The following SLC14A2 variants were observed in gnomAD, a reference collection of about 807,000 sequenced individuals.
The protein encoded by SLC14A2 is urea transporter 2.
In SLC14A2, 91 loss-of-function variants were observed where a neutral mutation model predicts 104.6. The ratio of observed to expected loss-of-function variants is 0.87; its 90% CI spans 0.73 to 1.04. SLC14A2 has a LOEUF of 1.04. Ranked by LOEUF, SLC14A2 falls within the 50% of genes least tolerant of loss-of-function variation. The pLI is 0.00. For missense variants in SLC14A2, 1,189 were observed against 1,156.0 expected, an observed-to-expected ratio of 1.03 and a Z score of -0.41; for synonymous variants, 476 against 466.4, an observed-to-expected ratio of 1.02 and a Z score of -0.27.
At chr18:45,329,309 A>G (rs1158819299) in intron 1 of SLC14A2, among the ~76,000 whole-genome samples, 1 of 152,204 alleles carries the variant, frequency 6.6e-6, no homozygotes. Flanking sequence ...TTCATTTCAA[A>G]GAGACTGAAC....
the SLC14A2 span, among the ~76,000 whole-genome samples, chr18:45,178,013 T>G: frequency 6.6e-6 from 1 of 152,142 alleles, no homozygotes; most frequent in African/African-American, 2.4e-5. Context: ...TTCAGCCCAA[T>G]GTTCAGCTGC....
chr18:45,667,141 C>G (rs903721880), intron 13 of SLC14A2, 47 bp downstream of exon 13: 1 of 1,521,760 alleles, frequency 6.6e-7, no homozygotes, highest in Non-Finnish European at 9.0e-7. Flanking sequence ...AAAAACTCAC[C>G]TCCACCCATC....
chr18:45,559,096 G>A (rs1377279385), intron 2 of SLC14A2, among the ~76,000 whole-genome samples: 2 of 152,066 alleles, frequency 1.3e-5, no homozygotes, highest in Non-Finnish European at 2.9e-5. Flanking sequence ...GCCCCTTTGA[G>A]TTTCTTATGT....
At chr18:45,437,317 G>A (rs910452802) in intron 1 of SLC14A2, among the ~76,000 whole-genome samples, 1 of 151,202 alleles carries the variant, frequency 6.6e-6, no homozygotes, top group Non-Finnish European at 1.5e-5. Context: ...CAAGGTGCAG[G>A]CACATCCTTG....
At chr18:45,215,987 A>G (rs1330186566) in intron 1 of SLC14A2, among the ~76,000 whole-genome samples, 2 of 152,236 alleles carry the variant, frequency 1.3e-5, no homozygotes, top group African/African-American at 2.4e-5. Context: ...AACATGAAAC[A>G]TTCCACAGAT....
At chr18:45,280,062 C>G (rs2084745961) in intron 1 of SLC14A2, among the ~76,000 whole-genome samples, 1 of 152,222 alleles carries the variant, frequency 6.6e-6, no homozygotes, top group African/African-American at 2.4e-5. Flanking sequence ...AAGTGCTGAT[C>G]TATTTCTAAC....
At position 45,261,679 on chromosome 18, in the gene SLC14A2, G is replaced by A. The variant is rs55859647; in HGVS notation, c.-125+48488G>A. Among the ~76,000 whole-genome samples the A allele has an allele frequency of 4.6e-3, 699 of 151,450 alleles. 2 individuals carry two copies. The highest frequency in any genetic ancestry group is 0.016 in the African/African-American group (652 of 41,244). ...CGGTGTTTGGTTTTTTGTCCTTGTG[G>A]TAGTTTACTGAGAATGATAATTTCC... On this transcript the variant is annotated intron_variant, in intron 1 of 20. Transcript: ENST00000586448.
Position 45,648,195 on chromosome 18 carries a change from C to CTT in SLC14A2, c.1351+4062_1351+4063dup, listed in dbSNP as rs59843067. ...GTTACCCTCTTTATTCTAGTTAATG[C>CTT]TTTTTTTTTTTTTTTTTTTTTTTTT... On this transcript the variant is annotated intron_variant, in intron 10 of 19. Coordinates refer to ENST00000255226, the MANE Select transcript of SLC14A2 (RefSeq NM_007163.4). Among the ~76,000 whole-genome samples, 188 of 101,214 alleles carry CTT rather than the reference C, an allele frequency of 1.9e-3. 18 individuals are homozygous for CTT. Among genetic ancestry groups the CTT allele is most frequent in the African/African-American group, 6.2e-3 (161 of 25,920 alleles). The allele number at this position is 101,214 out of a possible 152,430, so 66.4% of individuals were successfully genotyped here.
intron 2 of SLC14A2, among the ~76,000 whole-genome samples, chr18:45,501,965 AG>A (rs2043205862): frequency 6.6e-6 from 1 of 152,204 alleles, no homozygotes; most frequent in Non-Finnish European, 1.5e-5. Context: ...GAAAAGTATA[AG>A]CTCCTAGAGG....
chr18:45,174,359 A>G, the SLC14A2 span, among the ~76,000 whole-genome samples: 1 of 152,030 alleles, frequency 6.6e-6, no homozygotes, highest in Non-Finnish European at 1.5e-5. Flanking sequence ...CCTCCTCGAC[A>G]ATTTCCCTCA....
chr18:45,311,493 T>G (rs569475864), intron 1 of SLC14A2, among the ~76,000 whole-genome samples: 1 of 152,228 alleles, frequency 6.6e-6, no homozygotes, highest in Non-Finnish European at 1.5e-5. Context: ...GGTAACTATA[T>G]GATCTGGGCT....
chr18:45,253,488 A>G lies in SLC14A2; in HGVS notation c.-125+40297A>G, dbSNP rs190296311. Among the ~76,000 whole-genome samples the G allele has an allele frequency of 2.4e-3, 367 of 151,926 alleles. 3 individuals are homozygous for G. Among genetic ancestry groups the G allele is most frequent in the African/African-American group, 8.6e-3 (354 of 41,372 alleles). On this transcript the variant is annotated intron_variant, in intron 1 of 20. Coordinates refer to the SLC14A2 transcript ENST00000586448. ...ATGCTGGATGCTTTGAAAAACAGAC[A>G]TTCATTACAACTTTAAAAGTCAAAT...
At chr18:45,182,996 G>A in the SLC14A2 span, among the ~76,000 whole-genome samples, 1 of 152,320 alleles carries the variant, frequency 6.6e-6, no homozygotes, top group East Asian at 1.9e-4. Flanking sequence ...AGACTTGACA[G>A]ATTGGTGACT....
chr18:45,593,731 C>T (rs531110805), intron 2 of SLC14A2, among the ~76,000 whole-genome samples: 6 of 152,070 alleles, frequency 3.9e-5, no homozygotes, highest in Non-Finnish European at 7.4e-5. Context: ...CCTCTTGATC[C>T]GTCCACCTCG....
chr18:45,669,289 C>T lies in SLC14A2; in HGVS notation c.2037-17C>T, dbSNP rs762160227. 4.4e-6 allele frequency: 7 copies of T among 1,603,116 alleles called. No individual in the cohort carries two copies. In the South Asian group the frequency reaches 6.7e-5, roughly 15 times the overall value. ...AGGCGGCTTCCTGACCAGCATCTCT[C>T]ATGCTTCTGCCATCAGCCCCATCCT... On this transcript the variant is annotated splice_polypyrimidine_tract_variant and intron_variant, in intron 15 of 19. Coordinates refer to ENST00000255226, the MANE Select transcript of SLC14A2 (RefSeq NM_007163.4).
chr18:45,387,339 C>T (rs1043748784), intron 1 of SLC14A2, among the ~76,000 whole-genome samples: 1 of 152,258 alleles, frequency 6.6e-6, no homozygotes, highest in African/African-American at 2.4e-5. Flanking sequence ...CTATGCCCTG[C>T]CCCCCAAACA....
At chr18:45,379,895 T>C (rs1300569259) in intron 1 of SLC14A2, among the ~76,000 whole-genome samples, 1 of 152,146 alleles carries the variant, frequency 6.6e-6, no homozygotes, top group Non-Finnish European at 1.5e-5. Flanking sequence ...CTTCCCTGAG[T>C]AGCTAAGGAA....
intron 1 of SLC14A2, among the ~76,000 whole-genome samples, chr18:45,220,268 C>A (rs1466068578): frequency 6.6e-6 from 1 of 152,188 alleles, no homozygotes; most frequent in Non-Finnish European, 1.5e-5. Context: ...GCCAAGTGAC[C>A]ACCTTCACTG....
At chr18:45,247,682 T>C (rs1403712290) in intron 1 of SLC14A2, among the ~76,000 whole-genome samples, 3 of 151,712 alleles carry the variant, frequency 2.0e-5, no homozygotes, top group Admixed American at 6.6e-5. Context: ...CATCAGTTGG[T>C]TATTCTGTTA....
Sources: allele counts gnomAD v4.1 joint callset (sites outside exome capture counted in the v4.1 genomes callset), GRCh38; gene constraint gnomAD v4.1.1; transcripts MANE v1.5; gene names NCBI Gene and HGNC (gene_info 2026-07-23, HGNC 2026-07-21).